CDC7: variants seen among roughly 807,000 people sequenced by gnomAD.
CDC7 encodes cell division cycle 7-related protein kinase.
A neutral mutation model predicts 53.5 loss-of-function variants in CDC7; 34 were observed. The observed-to-expected ratio is 0.64, with a 90% CI of 0.48 to 0.85. The LOEUF is 0.85. Among genes scored for constraint, CDC7 ranks in the 40% least tolerant of loss-of-function variants. The probability of loss-of-function intolerance (pLI) is 0.00; values close to 1 mark genes in which losing one functional copy is unlikely to be tolerated. For missense variants in CDC7, 594 were observed against 679.7 expected (o/e 0.87, Z 1.40); for synonymous variants, 211 against 222.8 (o/e 0.95, Z 0.47).
intron 2 of CDC7, 24 bp downstream of exon 2, chr1:91,501,855 T>C (rs1666706091): frequency 1.3e-6 from 2 of 1,517,324 alleles, no homozygotes; most frequent in Non-Finnish European, 9.2e-7. Context: ...TCCAAAGATG[T>C]ACAGTTATAA....
intron 7 of CDC7, 99 bp downstream of exon 7, chr1:91,513,406 T>TTAA (rs1553148736): frequency 1.9e-6 from 2 of 1,061,762 alleles, no homozygotes; most frequent in Non-Finnish European, 2.7e-6. Flanking sequence ...ACTTATAATT[T>TTAA]AAAAAACTTT....
intron 6 of CDC7, among the ~76,000 whole-genome samples, chr1:91,512,615 C>T (rs1667343691): frequency 6.6e-6 from 1 of 151,988 alleles, no homozygotes; most frequent in Non-Finnish European, 1.5e-5. Context: ...TCATATTAAA[C>T]ATAATAATAT....
chr1:91,518,093 C>CAAAAA (rs55787737), intron 10 of CDC7, among the ~76,000 whole-genome samples: 18,126 of 45,770 alleles, frequency 0.4, 6,318 homozygotes, highest in Non-Finnish European at 0.48. Context: ...GACTCAGTCT[C>CAAAAA]AAAAAAAAAA....
Position 91,508,327 on chromosome 1 carries a change from C to G in CDC7, c.265C>G (p.Leu89Val), listed in dbSNP as rs762307339. 2 of 1,612,508 alleles carry G rather than the reference C, an allele frequency of 1.2e-6. No individual in the cohort carries two copies. The highest frequency in any genetic ancestry group is 1.1e-5 in the South Asian group (1 of 90,876). The part of the protein sequence containing the change: ...LQVGPEEKIA[L>V]KHLIPTSHPI... ...AGTAGGACCTGAAGAGAAAATTGCT[C>G]TAAAACACTTGATTCCAACAAGTCA... Residue 89 changes from leucine (L) to valine (V), a missense_variant, in exon 4 of 12, where the codon CTA (leucine) becomes GTA (valine). By Grantham distance (32) the Leu-to-Val change is conservative. Coordinates refer to ENST00000234626, the MANE Select transcript of CDC7 (RefSeq NM_003503.4).
chr1:91,511,077 G>A (rs567080198), intron 4 of CDC7, among the ~76,000 whole-genome samples: 1 of 152,216 alleles, frequency 6.6e-6, no homozygotes, highest in South Asian at 2.1e-4. Flanking sequence ...GGTTTTAGAT[G>A]CTTCTTTTAC....
At chr1:91,509,038 G>C (rs186191759) in intron 4 of CDC7, among the ~76,000 whole-genome samples, 1 of 152,024 alleles carries the variant, frequency 6.6e-6, no homozygotes. Context: ...CACAATTGAC[G>C]TGAACCCTTG....
Position 91,513,976 on chromosome 1 carries a change from G to A in CDC7, c.851G>A (p.Arg284His), listed in dbSNP as rs775228172. ...KEGSVGLSVQRSVFGERNFNI... is the reference protein window; with the variant it reads ...KEGSVGLSVQHSVFGERNFNI... ...GGATCTGTAGGCCTTTCTGTCCAGC[G>A]CTCTGTTTTTGGAGAAAGAAATTTC... The change falls in exon 8 of 12, where the codon CGC (arginine) becomes CAC (histidine). Residue 284 changes from arginine (R) to histidine (H), a missense_variant. Arg to His is a conservative substitution (Grantham distance 29). Transcript: ENST00000234626. The A allele has an allele frequency of 3.1e-6, 5 of 1,612,058 alleles. No individual in the cohort carries two copies. Among genetic ancestry groups the A allele is most frequent in the East Asian group, 2.2e-5 (1 of 44,796 alleles).
chr1:91,523,743 G>C (rs1378847670), intron 11 of CDC7, among the ~76,000 whole-genome samples: 1 of 152,118 alleles, frequency 6.6e-6, no homozygotes, highest in Non-Finnish European at 1.5e-5. Flanking sequence ...GATTATAGAA[G>C]GGTAAGATGA....
chr1:91,519,319 C>T (rs963295659), intron 10 of CDC7, among the ~76,000 whole-genome samples: 6 of 147,590 alleles, frequency 4.1e-5, no homozygotes, highest in Admixed American at 6.7e-5. Flanking sequence ...ATCCCAGCTA[C>T]TCAAGAGGCT....
In CDC7 at chr1:91,524,403, T is replaced by C; in HGVS notation, c.1693T>C (p.Leu565=). 1 of 1,610,064 alleles carries C rather than the reference T, an allele frequency of 6.2e-7. No homozygotes were observed. The highest frequency in any genetic ancestry group is 2.2e-5 in the East Asian group (1 of 44,856). The part of the protein sequence containing the change: ...ASRITAEEAL[L]HPFFKDMSL The stretch of plus-strand genomic sequence containing the variant: ...AAGAATAACAGCAGAAGAAGCTTTG[T>C]TGCATCCATTTTTTAAAGATATGAG... Residue 565 remains leucine (L), a synonymous_variant, in exon 12 of 12, where the codon TTG becomes CTG. Transcript: ENST00000234626.
chr1:91,505,014 G>A (rs1666908689), intron 2 of CDC7, among the ~76,000 whole-genome samples: 1 of 152,192 alleles, frequency 6.6e-6, no homozygotes, highest in Non-Finnish European at 1.5e-5. Context: ...ATGTAAAAGG[G>A]AAGGGGAGAT....
At chr1:91,518,093 C>CAAAAAAAAAGAAAAAAA (rs1667669753) in intron 10 of CDC7, among the ~76,000 whole-genome samples, 1 of 46,020 alleles carries the variant, frequency 2.2e-5, no homozygotes, top group African/African-American at 8.9e-5. Flanking sequence ...GACTCAGTCT[C>CAAAAAAAAAGAAAAAAA]AAAAAAAAAA....
chr1:91,514,439 TGACAGCTA>T (rs1667451056), intron 8 of CDC7, among the ~76,000 whole-genome samples: 1 of 152,216 alleles, frequency 6.6e-6, no homozygotes, highest in Non-Finnish European at 1.5e-5. Flanking sequence ...TGATATCTTG[TGACAGCTA>T]GACAGCATGA....
Position 91,520,155 on chromosome 1 carries a change from C to A in CDC7, c.1206C>A (p.Val402=). ...CAATTGACATGTGGTCTGCAGGTGT[C>A]ATATTTCTTTCTTTGCTTAGTGGAC... ...TTAIDMWSAG[V]IFLSLLSGRY... Residue 402 remains valine (V), a synonymous_variant, in exon 11 of 12, where the codon GTC becomes GTA. Transcript: ENST00000234626. 6.2e-7 allele frequency: 1 copy of A among 1,603,590 alleles called. No homozygotes were observed. Among genetic ancestry groups the A allele is most frequent in the South Asian group, 1.1e-5 (1 of 88,428 alleles).
chr1:91,515,554 A>G (rs2102376723), intron 9 of CDC7, among the ~76,000 whole-genome samples: 1 of 152,182 alleles, frequency 6.6e-6, no homozygotes, highest in South Asian at 2.1e-4. Flanking sequence ...ACTGCTTTTT[A>G]TTCTTGGAGG....
intron 11 of CDC7, among the ~76,000 whole-genome samples, chr1:91,523,491 T>C (rs1255837515): frequency 1.3e-5 from 2 of 152,116 alleles, no homozygotes; most frequent in East Asian, 1.9e-4. Flanking sequence ...GACAGACATA[T>C]ATAGGATAGC....
intron 4 of CDC7, among the ~76,000 whole-genome samples, chr1:91,509,616 G>C (rs1230615460): frequency 2.6e-5 from 4 of 152,100 alleles, no homozygotes; most frequent in Non-Finnish European, 5.9e-5. Flanking sequence ...ACTGTAGCCT[G>C]CTTCTTCCTT....
chr1:91,504,837 T>C (rs1239512642), intron 2 of CDC7, among the ~76,000 whole-genome samples: 2 of 152,192 alleles, frequency 1.3e-5, no homozygotes, highest in Non-Finnish European at 2.9e-5. Context: ...AAACGTTTCA[T>C]TTATGTGATG....
In CDC7 at chr1:91,507,912, T is replaced by G; in HGVS notation, c.174T>G (p.Phe58Leu). ...YEAVPQLSNVFKIEDKIGEGT... is the reference protein window; with the variant it reads ...YEAVPQLSNVLKIEDKIGEGT... Reference sequence around the variant, plus strand: ...CTGTACCACAGCTTAGTAATGTGTTTAAGATTGAGGACAAAATTGGAGAAG... The same window carrying G: ...CTGTACCACAGCTTAGTAATGTGTTGAAGATTGAGGACAAAATTGGAGAAG... Residue 58 changes from phenylalanine to leucine, a missense_variant, in exon 3 of 12, where the codon TTT (phenylalanine) becomes TTG (leucine). By Grantham distance (22) the Phe-to-Leu change is conservative. Coordinates refer to ENST00000234626, the MANE Select transcript of CDC7 (RefSeq NM_003503.4). The G allele has an allele frequency of 6.4e-7, 1 of 1,556,952 alleles. No homozygotes were observed.
Sources: gnomAD v4.1 joint callset for allele counts (sites outside exome capture counted in the v4.1 genomes callset) on GRCh38, gnomAD v4.1.1 for gene constraint, MANE v1.5 for transcripts, NCBI Gene and HGNC (gene_info 2026-07-23, HGNC 2026-07-21) for gene names.